AKAP13: variants seen among roughly 807,000 people sequenced by gnomAD.
The protein encoded by AKAP13 is A-kinase anchor protein 13.
Under a neutral mutation model 264.5 loss-of-function variants are expected in AKAP13, and 80 were observed. The observed-to-expected ratio is 0.30, with a 90% CI of 0.25 to 0.36. The LOEUF (loss-of-function observed/expected upper bound fraction) is 0.36. AKAP13 is among the 10% of genes least tolerant of loss of function. The pLI is 1.00. For synonymous variants in AKAP13, 1,380 were observed against 1,250.2 expected (o/e 1.10, Z -2.19); for missense variants, 3,712 against 3,435.2 (o/e 1.08, Z -2.01).
At chr15:85,440,999 A>C (rs187121748) in intron 1 of AKAP13, among the ~76,000 whole-genome samples, 1 of 152,192 alleles carries the variant, frequency 6.6e-6, no homozygotes, top group Non-Finnish European at 1.5e-5. Flanking sequence ...AAACAAACTG[A>C]TGTCATTGGT....
intron 11 of AKAP13, among the ~76,000 whole-genome samples, chr15:85,657,410 T>C (rs906186840): frequency 1.3e-5 from 2 of 152,174 alleles, no homozygotes; most frequent in Admixed American, 1.3e-4. Context: ...TTGCTAATCT[T>C]TTCAGACTCT....
At chr15:85,543,630 C>A in intron 4 of AKAP13, 142 bp from the exon 5 acceptor site, 2 of 932,706 alleles carry the variant, frequency 2.1e-6, no homozygotes, top group Non-Finnish European at 3.1e-6. Flanking sequence ...CACAATAAAG[C>A]TGTTCACACT....
intron 23 of AKAP13, among the ~76,000 whole-genome samples, chr15:85,719,603 A>G (rs1034580576): frequency 4.6e-5 from 7 of 152,196 alleles, no homozygotes; most frequent in African/African-American, 1.7e-4. Flanking sequence ...TTTCTTCCTC[A>G]GAGTCTGTGC....
intron 17 of AKAP13, among the ~76,000 whole-genome samples, chr15:85,705,124 C>A (rs989152463): frequency 1.3e-5 from 2 of 152,174 alleles, no homozygotes; most frequent in African/African-American, 2.4e-5. Flanking sequence ...GTGAAAAGTT[C>A]TTTACTAGAA....
intron 1 of AKAP13, chr15:85,415,560 A>T: frequency 1.4e-6 from 2 of 1,438,588 alleles, no homozygotes; most frequent in Non-Finnish European, 1.9e-6. Flanking sequence ...AAGAAAATTG[A>T]AAGATGGGAA....
chr15:85,429,129 C>T (rs1206477774), intron 1 of AKAP13, among the ~76,000 whole-genome samples: 2 of 152,158 alleles, frequency 1.3e-5, no homozygotes, highest in Non-Finnish European at 2.9e-5. Flanking sequence ...AATGATATTA[C>T]TCTCTTATTT....
chr15:85,654,797 C>T (rs2083022843), intron 10 of AKAP13, among the ~76,000 whole-genome samples: 3 of 151,810 alleles, frequency 2.0e-5, no homozygotes. Context: ...GCACCCCAGC[C>T]TGGGTGACAG....
At chr15:85,592,433 C>T (rs952091571) in intron 8 of AKAP13, among the ~76,000 whole-genome samples, 2 of 152,112 alleles carry the variant, frequency 1.3e-5, no homozygotes, top group Non-Finnish European at 2.9e-5. Context: ...ATGGCTTGTA[C>T]GTCCCACCCT....
intron 1 of AKAP13, among the ~76,000 whole-genome samples, chr15:85,421,908 G>T (rs528438123): frequency 6.6e-6 from 1 of 152,132 alleles, no homozygotes; most frequent in East Asian, 1.9e-4. Context: ...GTCACCATTC[G>T]TGCTCCATAA....
At position 85,533,808 on chromosome 15, in the gene AKAP13, T is replaced by C. The variant is rs2077310045; in HGVS notation, c.406T>C (p.Leu136=). ...GGATGTGAATTCCCTTGATAAGAAG[T>C]TGGTGCTGGCATTCAGGCACCTGAA... ...SGDVNSLDKK[L]VLAFRHLKLP... The change falls in exon 4 of 37, where the codon TTG becomes CTG. Residue 136 remains leucine, a synonymous_variant. Transcript: ENST00000394518. The C allele has an allele frequency of 1.9e-6, 3 of 1,613,886 alleles. No individual in the cohort carries two copies. The highest frequency in any genetic ancestry group is 2.5e-6 in the Non-Finnish European group (3 of 1,179,854).
At chr15:85,550,682 C>A (rs1350633145) in intron 5 of AKAP13, among the ~76,000 whole-genome samples, 4 of 152,248 alleles carry the variant, frequency 2.6e-5, no homozygotes, top group African/African-American at 9.6e-5. Context: ...CATAGTAAAG[C>A]AAAAGATGAA....
intron 1 of AKAP13, among the ~76,000 whole-genome samples, chr15:85,425,413 C>G (rs537200956): frequency 6.6e-6 from 1 of 151,894 alleles, no homozygotes; most frequent in South Asian, 2.1e-4. Context: ...TTTTAAGATT[C>G]CTCTAAGAAC....
intron 8 of AKAP13, among the ~76,000 whole-genome samples, chr15:85,598,855 T>C (rs1351670433): frequency 1.3e-5 from 2 of 152,232 alleles, no homozygotes; most frequent in Admixed American, 6.5e-5. Context: ...TGCTGAAATG[T>C]TTCACTCAAA....
chr15:85,603,665 C>T (rs1278730965), intron 8 of AKAP13, among the ~76,000 whole-genome samples: 4 of 152,232 alleles, frequency 2.6e-5, no homozygotes, highest in Admixed American at 1.3e-4. Flanking sequence ...AGCTGCCAGC[C>T]TCGCCAGAAT....
At chr15:85,473,360 A>G (rs2075036707) in intron 1 of AKAP13, among the ~76,000 whole-genome samples, 1 of 152,246 alleles carries the variant, frequency 6.6e-6, no homozygotes, top group African/African-American at 2.4e-5. Context: ...ACGCAAACAA[A>G]AAGTATTTGA....
intron 1 of AKAP13, among the ~76,000 whole-genome samples, chr15:85,413,988 C>T (rs1256694006): frequency 6.6e-6 from 1 of 151,952 alleles, no homozygotes; most frequent in Non-Finnish European, 1.5e-5. Flanking sequence ...TCATTGTTTT[C>T]TCCAACCTTT....
At position 85,514,554 on chromosome 15, in the gene AKAP13, A is replaced by G. The variant is rs1288036575; in HGVS notation, c.34-6874A>G. Among the ~76,000 whole-genome samples, 2 of 138,132 alleles carry G rather than the reference A, an allele frequency of 1.4e-5. 1 individual carries two copies. Among genetic ancestry groups the G allele is most frequent in the Non-Finnish European group, 3.1e-5 (2 of 64,680 alleles). 90.6% of individuals were successfully genotyped at this position (138,132 alleles called of 152,430 possible). On this transcript the variant is annotated intron_variant, in intron 2 of 36. Transcript: ENST00000394518. ...TCGGTTCTTTTTATTGGAGAATGGT[A>G]TTAGTGACCAATGCCTGTACACTAG...
At chr15:85,440,870 T>A (rs190534765) in intron 1 of AKAP13, among the ~76,000 whole-genome samples, 1 of 152,176 alleles carries the variant, frequency 6.6e-6, no homozygotes, top group Non-Finnish European at 1.5e-5. Context: ...GTGGTGGAAA[T>A]TTTTAAAAAA....
chr15:85,585,629 G>A lies in AKAP13; in HGVS notation c.4040-73G>A, dbSNP rs1439182430. On this transcript the variant is annotated intron_variant, in intron 7 of 36. Transcript: ENST00000394518. ...CAAAACAAAACACATGAAACCTGGA[G>A]CATGTTGTATGAATAGTAAGGCACA... The A allele has an allele frequency of 8.8e-6, 14 of 1,588,012 alleles. No individual in the cohort carries two copies. In the Admixed American group the frequency reaches 2.4e-4, roughly 27 times the overall value.
Sources: allele counts gnomAD v4.1 joint callset (sites outside exome capture counted in the v4.1 genomes callset), GRCh38; gene constraint gnomAD v4.1.1; transcripts MANE v1.5; gene names NCBI Gene and HGNC (gene_info 2026-07-23, HGNC 2026-07-21).